The following RNF17 variants were observed in gnomAD, a reference collection of about 807,000 sequenced individuals.
RNF17 encodes ring finger protein 17.
RNF17 carries 31 observed loss-of-function variants against 200.5 expected under a neutral mutation model. The ratio of observed to expected loss-of-function variants is 0.15; its 90% confidence interval spans 0.12 to 0.21. The LOEUF (loss-of-function observed/expected upper bound fraction) is 0.21, where lower values mean the gene tolerates loss of function less well. Ranked by LOEUF, RNF17 falls within the 10% of genes least tolerant of loss-of-function variation. RNF17 has a pLI of 1.00. For synonymous variants in RNF17, 606 were observed against 637.8 expected (o/e 0.95, Z 0.75); for missense variants, 1,628 against 1,905.1 (o/e 0.85, Z 2.71).
At chr13:24,842,263 T>C in intron 19 of RNF17, 102 bp downstream of exon 19, 3 of 1,008,774 alleles carry the variant, frequency 3.0e-6, no homozygotes, top group Admixed American at 2.8e-5. Context: ...GAGATGAGCT[T>C]AGACTGTAGA....
intron 19 of RNF17, 83 bp downstream of exon 19, chr13:24,842,244 TC>T: frequency 8.0e-7 from 1 of 1,248,204 alleles, no homozygotes; most frequent in South Asian, 1.5e-5. Flanking sequence ...GGCATATCAT[TC>T]CCCATTGGAG....
chr13:24,826,554 G>A (rs1455629935), intron 16 of RNF17, among the ~76,000 whole-genome samples: 3 of 151,946 alleles, frequency 2.0e-5, no homozygotes, highest in African/African-American at 4.8e-5. Flanking sequence ...TGGGTGGATC[G>A]CTTGAGGCCA....
At chr13:24,885,475 A>AAAAT in the RNF17 span, 1 of 1,190,372 alleles carries the variant, frequency 8.4e-7, no homozygotes, top group Admixed American at 1.7e-5. Context: ...TAGTGTTTAC[A>AAAAT]AAATATAACA....
Position 24,861,313 on chromosome 13 carries a change from C to T in RNF17, c.3820C>T (p.His1274Tyr), listed in dbSNP as rs755248570. The change falls in exon 27 of 36, where the codon CAT (histidine) becomes TAT (tyrosine). Residue 1274 changes from histidine (H) to tyrosine (Y), a missense_variant. His to Tyr is a moderately conservative substitution (Grantham distance 83). This residue lies in a region of RNF17 where 609 missense variants were observed against 681.9 expected (regional missense o/e 0.89). Coordinates refer to ENST00000255324, the MANE Select transcript of RNF17 (RefSeq NM_031277.3). ...HGFTEKIPQC[H>Y]LYPILLYPDI... is the part of the protein sequence containing the mutation. ...ATTCACTGAAAAGATTCCGCAGTGC[C>T]ATCTTTACCCTATTTTGCTGTATCC... The T allele has an allele frequency of 6.3e-7, 1 of 1,591,928 alleles. No individual in the cohort carries two copies. The highest frequency in any genetic ancestry group is 8.6e-7 in the Non-Finnish European group (1 of 1,167,030).
chr13:24,796,536 G>A (rs780607284), intron 11 of RNF17, among the ~76,000 whole-genome samples: 2 of 152,106 alleles, frequency 1.3e-5, no homozygotes, highest in Admixed American at 6.6e-5. Flanking sequence ...GTAGTAGGGC[G>A]AATTTCTTTT....
intron 19 of RNF17, among the ~76,000 whole-genome samples, chr13:24,842,478 G>T (rs1250614028): frequency 6.6e-6 from 1 of 152,254 alleles, no homozygotes. Flanking sequence ...GAATTGGGAA[G>T]AGAAATGGCA....
chr13:24,886,691 A>G, the RNF17 span, among the ~76,000 whole-genome samples: 55,749 of 152,018 alleles, frequency 0.37, 10,528 homozygotes, highest in Admixed American at 0.44. Flanking sequence ...TTATGTGTGC[A>G]AACTAAACTA....
chr13:24,885,038 AAAGG>A, the RNF17 span, among the ~76,000 whole-genome samples: 2 of 152,256 alleles, frequency 1.3e-5, no homozygotes, highest in Non-Finnish European at 2.9e-5. Flanking sequence ...AGGCTGCAAG[AAAGG>A]AAGACCTAGA....
At chr13:24,884,260 A>G (rs201781466), downstream of RNF17, 2 of 1,614,058 alleles carry the variant, frequency 1.2e-6, no homozygotes, top group East Asian at 2.2e-5. Context: ...AAAGACACAC[A>G]GTCAGTCTGC....
At chr13:24,873,795 ATGAG>A (rs1373897149) in intron 32 of RNF17, among the ~76,000 whole-genome samples, 1 of 152,154 alleles carries the variant, frequency 6.6e-6, no homozygotes, top group African/African-American at 2.4e-5. Context: ...TAGCTCTCAT[ATGAG>A]TGAGAACATG....
At chr13:24,827,968 A>G (rs563412496) in intron 16 of RNF17, among the ~76,000 whole-genome samples, 16 of 152,128 alleles carry the variant, frequency 1.1e-4, no homozygotes, top group African/African-American at 3.6e-4. Flanking sequence ...TCATGACTCA[A>G]TCACCTCCCA....
At chr13:24,748,985 C>G in the RNF17 span, among the ~76,000 whole-genome samples, 1 of 152,138 alleles carries the variant, frequency 6.6e-6, no homozygotes. Context: ...AACTCCTGAC[C>G]TCAAATGATC....
At chr13:24,858,062 G>A (rs915671563) in intron 25 of RNF17, among the ~76,000 whole-genome samples, 1 of 152,118 alleles carries the variant, frequency 6.6e-6, no homozygotes, top group Non-Finnish European at 1.5e-5. Flanking sequence ...TGTAACCTGG[G>A]CCCATCAGAA....
intron 15 of RNF17, among the ~76,000 whole-genome samples, chr13:24,820,310 T>G (rs1282795282): frequency 6.6e-6 from 1 of 151,890 alleles, no homozygotes; most frequent in Non-Finnish European, 1.5e-5. Flanking sequence ...TTAGTAGAGA[T>G]GGGGTTTCAC....
intron 25 of RNF17, among the ~76,000 whole-genome samples, chr13:24,854,421 C>T (rs939033321): frequency 2.0e-5 from 3 of 151,818 alleles, no homozygotes; most frequent in Non-Finnish European, 4.4e-5. Context: ...ATTTCCACTA[C>T]TATGGCAGAT....
At position 24,802,525 on chromosome 13, in the gene RNF17, A is replaced by T; in HGVS notation, c.1903A>T (p.Met635Leu). Residue 635 changes from methionine (M) to leucine (L), a missense_variant, in exon 14 of 36, where the codon ATG becomes TTG. Met to Leu is a conservative substitution (Grantham distance 15). Coordinates refer to ENST00000255324, the MANE Select transcript of RNF17 (RefSeq NM_031277.3). Reference sequence around the variant, plus strand: ...ACCACCGAATAAAATAAGCAGTGATATGCCTGTGTCTCTTAGAGATGCGCT... The same window carrying T: ...ACCACCGAATAAAATAAGCAGTGATTTGCCTGTGTCTCTTAGAGATGCGCT... ...KPPPNKISSDMPVSLRDALVF... is the reference protein window; with the variant it reads ...KPPPNKISSDLPVSLRDALVF... 6.2e-7 allele frequency: 1 copy of T among 1,614,014 alleles called. No homozygotes were observed. The highest frequency in any genetic ancestry group is 1.7e-4 in the Middle Eastern group (1 of 6,060).
chr13:24,839,979 T>G (rs1477900407), intron 18 of RNF17, among the ~76,000 whole-genome samples: 1 of 151,882 alleles, frequency 6.6e-6, no homozygotes. Flanking sequence ...TCACAATCTG[T>G]ACATCTGACA....
intron 6 of RNF17, 125 bp from the exon 7 acceptor site, chr13:24,787,863 C>A: frequency 1.6e-6 from 1 of 612,586 alleles, no homozygotes. Context: ...TTACTGTTTG[C>A]CTCATTTAAC....
rs200365898 is a variant in RNF17 at position 24,764,885 on chromosome 13, T to TGGGG, written c.130+553_130+556dup. On this transcript the variant is annotated intron_variant, in intron 1 of 35. Transcript: ENST00000255324. ...ATGATAGTTTCTTTTGTGCACCTTG[T>TGGGG]GGGGTGTGTGTGTGTGTGTGTGTGT... Among the ~76,000 whole-genome samples the TGGGG allele has an allele frequency of 1.0e-4, 10 of 99,670 alleles. No individual in the cohort carries two copies. In the East Asian group the frequency reaches 1.8e-3, roughly 18 times the overall value. The allele number at this position is 99,670 out of a possible 152,430, so 65.4% of individuals were successfully genotyped here.
Sources: gnomAD v4.1 joint callset for allele counts (sites outside exome capture counted in the v4.1 genomes callset) on GRCh38, gnomAD v4.1.1 for gene constraint, gnomAD v4.1.1 regional missense constraint, MANE v1.5 for transcripts, NCBI Gene and HGNC (gene_info 2026-07-23, HGNC 2026-07-21) for gene names.